The following RBL1 variants were observed in gnomAD, a reference collection of about 807,000 sequenced individuals.
RBL1 encodes retinoblastoma-like protein 1.
A neutral mutation model predicts 123.0 loss-of-function variants in RBL1; 82 were observed. The ratio of observed to expected loss-of-function variants is 0.67; its 90% CI spans 0.56 to 0.80. The LOEUF (loss-of-function observed/expected upper bound fraction) is 0.80, where lower values mean the gene tolerates loss of function less well. Ranked by LOEUF, RBL1 falls within the 30% of genes least tolerant of loss-of-function variation. The pLI is 0.00. For missense variants in RBL1, 1,171 were observed against 1,299.6 expected (o/e 0.90, Z 1.52); for synonymous variants, 405 against 441.3 (o/e 0.92, Z 1.03).
At chr20:37,014,764 AAAAC>A (rs1328680374) in intron 19 of RBL1, among the ~76,000 whole-genome samples, 4 of 150,054 alleles carry the variant, frequency 2.7e-5, no homozygotes, top group Admixed American at 6.6e-5. Flanking sequence ...ACATGGTCTC[AAAAC>A]AAACAAACAA....
intron 7 of RBL1, among the ~76,000 whole-genome samples, chr20:37,062,748 G>A (rs904860778): frequency 5.9e-5 from 9 of 151,780 alleles, no homozygotes; most frequent in African/African-American, 2.2e-4. Context: ...GAGGTCAGGA[G>A]ATCAAGACTA....
chr20:37,061,301 A>G (rs2065090261), intron 8 of RBL1, 32 bp from the exon 9 acceptor site: 1 of 1,600,782 alleles, frequency 6.2e-7, no homozygotes, highest in Non-Finnish European at 8.5e-7. Context: ...TGAGTTTTTA[A>G]AAGTTACCAT....
chr20:37,095,014 TAC>T (rs1206966433), intron 1 of RBL1, among the ~76,000 whole-genome samples: 1 of 152,198 alleles, frequency 6.6e-6, no homozygotes, highest in African/African-American at 2.4e-5. Flanking sequence ...AGCAGTCTAA[TAC>T]TCATTGCCAT....
intron 20 of RBL1, among the ~76,000 whole-genome samples, chr20:37,005,757 T>C (rs2064059614): frequency 6.6e-6 from 1 of 152,114 alleles, no homozygotes; most frequent in South Asian, 2.1e-4. Context: ...TTATGACCTC[T>C]GAGGATAGTC....
intron 19 of RBL1, among the ~76,000 whole-genome samples, chr20:37,012,024 G>A (rs921208641): frequency 2.0e-5 from 3 of 152,202 alleles, no homozygotes; most frequent in African/African-American, 7.2e-5. Context: ...TGTCACGCCT[G>A]ACTGGTTTTC....
intron 11 of RBL1, among the ~76,000 whole-genome samples, chr20:37,050,088 A>G (rs1217832901): frequency 2.0e-5 from 3 of 151,702 alleles, no homozygotes; most frequent in Non-Finnish European, 2.9e-5. Flanking sequence ...AGAGAGAGAG[A>G]AAAAAAATGG....
chr20:37,000,661 C>A, intron 21 of RBL1, among the ~76,000 whole-genome samples: 1 of 133,962 alleles, frequency 7.5e-6, no homozygotes, highest in South Asian at 2.4e-4. Flanking sequence ...TGCCCGGCCG[C>A]CCCTACTGGG....
intron 2 of RBL1, among the ~76,000 whole-genome samples, chr20:37,086,136 T>C (rs2065541964): frequency 1.3e-5 from 2 of 152,082 alleles, no homozygotes; most frequent in African/African-American, 4.8e-5. Flanking sequence ...ACAAAGATTT[T>C]TGAAATTATA....
At chr20:37,005,444 A>G (rs574117064) in intron 20 of RBL1, among the ~76,000 whole-genome samples, 2 of 152,136 alleles carry the variant, frequency 1.3e-5, no homozygotes, top group East Asian at 1.9e-4. Context: ...AGAGTAACCA[A>G]TCTTCTAACA....
intron 11 of RBL1, chr20:37,049,751 A>T (rs1390156049): frequency 7.3e-6 from 4 of 545,180 alleles, no homozygotes; most frequent in African/African-American, 3.8e-5. Context: ...ATTTAAAAAA[A>T]TTTAAAATAT....
chr20:37,087,650 T>C (rs1463518259), intron 2 of RBL1, among the ~76,000 whole-genome samples: 5 of 151,988 alleles, frequency 3.3e-5, no homozygotes, highest in Non-Finnish European at 7.4e-5. Context: ...TCTTCAAAAA[T>C]GGTAATGTCA....
At chr20:37,046,904 T>C in intron 12 of RBL1, 149 bp downstream of exon 12, 1 of 1,219,654 alleles carries the variant, frequency 8.2e-7, no homozygotes, top group Non-Finnish European at 1.0e-6. Flanking sequence ...TGAGCCACCA[T>C]GCCTAGCCAG....
At chr20:37,012,029 G>GAA (rs1223238420) in intron 19 of RBL1, among the ~76,000 whole-genome samples, 1 of 152,196 alleles carries the variant, frequency 6.6e-6, no homozygotes, top group African/African-American at 2.4e-5. Flanking sequence ...CGCCTGACTG[G>GAA]TTTTCGTATT....
At position 37,076,091 on chromosome 20, in the gene RBL1, A is replaced by G. The variant is rs558170972; in HGVS notation, c.291-7905T>C. On this transcript the variant is annotated intron_variant, in intron 2 of 21. Transcript: ENST00000373664. ...GTCACCAGGTTTTGTTTATCTTTGC[A>G]GAGGTATTTTGGGAATTTATAAACA... 2.0e-5 allele frequency among the ~76,000 whole-genome samples: 3 copies of G among 152,274 alleles called. No individual in the cohort carries two copies. In the South Asian group the frequency reaches 6.2e-4, roughly 32 times the overall value.
Position 37,095,947 on chromosome 20 carries a change from C to A in RBL1, c.-19G>T. On this transcript the variant is annotated 5_prime_UTR_variant, in exon 1 of 22. Transcript: ENST00000373664. ...CGAACATCCCTTCAGGCCCCGCGGG[C>A]TGCGCGCCACGGCCCCCGACTTCTT... 2.0e-6 allele frequency: 3 copies of A among 1,508,804 alleles called. No homozygotes were observed. Among genetic ancestry groups the A allele is most frequent in the South Asian group, 1.2e-5 (1 of 80,324 alleles). 93.5% of individuals were successfully genotyped at this position (1,508,804 alleles called of 1,614,324 possible). A position where few individuals can be genotyped will look rare whatever the true frequency, so the allele number is the denominator to read the frequency against.
intron 16 of RBL1, among the ~76,000 whole-genome samples, chr20:37,026,261 T>A (rs544394737): frequency 6.6e-6 from 1 of 152,284 alleles, no homozygotes; most frequent in East Asian, 1.9e-4. Context: ...TAAAAAATAA[T>A]CCTCATGTTT....
chr20:37,032,948 C>A, intron 15 of RBL1, 72 bp from the exon 16 acceptor site: 2 of 1,546,768 alleles, frequency 1.3e-6, no homozygotes, highest in Non-Finnish European at 1.7e-6. Flanking sequence ...TATATTTTGA[C>A]AATTATATAT....
Position 37,085,285 on chromosome 20 carries a change from A to G in RBL1, c.290+3704T>C, listed in dbSNP as rs1371176466. ...GTAGCTAGGATTACAGGCACCCGCA[A>G]CCACGCCCAGCTAATTTTTTTGTAT... On this transcript the variant is annotated intron_variant, in intron 2 of 21. Transcript: ENST00000373664. Among the ~76,000 whole-genome samples the G allele has an allele frequency of 4.6e-5, 7 of 151,502 alleles. No homozygotes were observed. In the South Asian group the frequency reaches 1.0e-3, roughly 23 times the overall value.
intron 6 of RBL1, among the ~76,000 whole-genome samples, chr20:37,065,734 G>C (rs989951519): frequency 1.3e-5 from 2 of 150,488 alleles, no homozygotes; most frequent in African/African-American, 4.9e-5. Context: ...CAGCCTCAGC[G>C]TGCCAAGTAG....
Sources: gnomAD v4.1 joint callset for allele counts (sites outside exome capture counted in the v4.1 genomes callset) on GRCh38, gnomAD v4.1.1 for gene constraint, MANE v1.5 for transcripts, NCBI Gene and HGNC (gene_info 2026-07-23, HGNC 2026-07-21) for gene names.